GSG1L: variants seen among roughly 807,000 people sequenced by gnomAD.
The protein encoded by GSG1L is GSG1 like, also known as germ cell-specific gene 1-like protein.
In GSG1L, 24 loss-of-function variants were observed where a neutral mutation model predicts 42.1. That is an observed-to-expected ratio of 0.57 (90% CI 0.41 to 0.80). The LOEUF is 0.80. Ranked by LOEUF, GSG1L falls within the 30% of genes least tolerant of loss-of-function variation. The pLI is 0.00. For missense variants in GSG1L, 445 were observed against 472.2 expected (o/e 0.94, Z 0.53); for synonymous variants, 215 against 203.5 (o/e 1.06, Z -0.48).
chr16:27,865,590 CATACACACACATATAT>C (rs1460934769), intron 3 of GSG1L, among the ~76,000 whole-genome samples: 51 of 115,516 alleles, frequency 4.4e-4, no homozygotes, highest in Non-Finnish European at 7.5e-4. Context: ...CACATACATA[CATACACACACATATAT>C]ATACACACAC....
intron 1 of GSG1L, among the ~76,000 whole-genome samples, chr16:28,009,011 G>A (rs985541201): frequency 6.6e-6 from 1 of 152,280 alleles, no homozygotes; most frequent in African/African-American, 2.4e-5. Flanking sequence ...GTTTCGTCAT[G>A]TTGGCCAGTC....
intron 1 of GSG1L, among the ~76,000 whole-genome samples, chr16:28,034,989 T>G (rs1275960254): frequency 6.6e-6 from 1 of 152,134 alleles, no homozygotes; most frequent in Non-Finnish European, 1.5e-5. Flanking sequence ...ACCCACCCCA[T>G]GTACTCACTA....
At chr16:27,908,597 T>C (rs2084347197) in intron 2 of GSG1L, among the ~76,000 whole-genome samples, 1 of 152,174 alleles carries the variant, frequency 6.6e-6, no homozygotes, top group African/African-American at 2.4e-5. Flanking sequence ...AAGAACAAGG[T>C]GGCTTTTCTG....
At chr16:27,986,574 A>C (rs2085386635) in intron 1 of GSG1L, among the ~76,000 whole-genome samples, 1 of 151,740 alleles carries the variant, frequency 6.6e-6, no homozygotes, top group African/African-American at 2.4e-5. Context: ...ACTTGCGACA[A>C]AGGGATAAGA....
chr16:27,985,546 T>C, intron 1 of GSG1L, among the ~76,000 whole-genome samples: 1 of 152,058 alleles, frequency 6.6e-6, no homozygotes, highest in East Asian at 1.9e-4. Flanking sequence ...TTCTTCTCTA[T>C]AAATTACCCA....
In GSG1L at chr16:27,930,096, G is replaced by C. The variant is rs184333005; in HGVS notation, c.397+33060C>G. Among the ~76,000 whole-genome samples, 3 of 152,052 alleles carry C rather than the reference G, an allele frequency of 2.0e-5. No individual in the cohort carries two copies. The South Asian group carries it at 6.2e-4, about 32-fold the overall frequency. ...CTGGCACTTACATGCCTCTGGGGTT[G>C]AAGGGCCTCCTCAAATTTTGCATTC... On this transcript the variant is annotated intron_variant, in intron 2 of 6. Coordinates refer to ENST00000447459, the MANE Select transcript of GSG1L (RefSeq NM_001109763.2).
Position 27,890,510 on chromosome 16 carries a change from C to T in GSG1L, c.398-5872G>A, listed in dbSNP as rs565681148. The stretch of plus-strand genomic sequence containing the variant: ...ATGACGGTGGCCTGGACTGTGGCCA[C>T]AGTGGGAATGAGGACAAGTAGATAA... On this transcript the variant is annotated intron_variant, in intron 2 of 6. Transcript: ENST00000447459. Among the ~76,000 whole-genome samples, 3 of 152,282 alleles carry T rather than the reference C, an allele frequency of 2.0e-5. No individual in the cohort carries two copies. The South Asian group carries it at 6.2e-4, about 32-fold the overall frequency.
rs572610108 is a variant in GSG1L at position 27,953,240 on chromosome 16, C to A, written c.397+9916G>T. On this transcript the variant is annotated intron_variant, in intron 2 of 6. Transcript: ENST00000447459. ...AAGTAGCTGGGAGTACAGGTGCGTG[C>A]CACCACACTGGGCTAATTTATAAAT... 2.2e-3 allele frequency among the ~76,000 whole-genome samples: 339 copies of A among 152,270 alleles called. 2 individuals carry two copies. The highest frequency in any genetic ancestry group is 7.0e-3 in the African/African-American group (291 of 41,554).
At chr16:28,008,628 G>A (rs1421641546) in intron 1 of GSG1L, among the ~76,000 whole-genome samples, 1 of 152,120 alleles carries the variant, frequency 6.6e-6, no homozygotes, top group Non-Finnish European at 1.5e-5. Context: ...ACGTCAGATT[G>A]CATCACCTCC....
chr16:27,854,957 T>G (rs1489769976), intron 3 of GSG1L, among the ~76,000 whole-genome samples: 1 of 152,110 alleles, frequency 6.6e-6, no homozygotes, highest in African/African-American at 2.4e-5. Flanking sequence ...CTTCTACATT[T>G]CTACCCCAGA....
At chr16:27,841,229 G>A (rs1036983652) in intron 4 of GSG1L, among the ~76,000 whole-genome samples, 2 of 152,116 alleles carry the variant, frequency 1.3e-5, no homozygotes, top group African/African-American at 4.8e-5. Flanking sequence ...GTGAGGGGCA[G>A]GGGCAGGATC....
intron 1 of GSG1L, among the ~76,000 whole-genome samples, chr16:27,980,489 C>T (rs1394673740): frequency 2.6e-5 from 4 of 152,170 alleles, no homozygotes; most frequent in African/African-American, 9.7e-5. Flanking sequence ...GCTTTATGCG[C>T]CTACCAACGT....
At chr16:27,817,017 T>G (rs1178302630) in intron 5 of GSG1L, among the ~76,000 whole-genome samples, 2 of 152,164 alleles carry the variant, frequency 1.3e-5, no homozygotes, top group African/African-American at 4.8e-5. Context: ...TGGAGTCTGA[T>G]GGAGGCTGGG....
chr16:27,921,492 C>T (rs138272208), intron 2 of GSG1L, among the ~76,000 whole-genome samples: 138 of 152,328 alleles, frequency 9.1e-4, no homozygotes, highest in African/African-American at 3.2e-3. Context: ...TTAACTTTTA[C>T]AGCCTCATCT....
chr16:27,869,723 CTG>C (rs771480362), intron 3 of GSG1L, among the ~76,000 whole-genome samples: 42 of 146,152 alleles, frequency 2.9e-4, no homozygotes, highest in Non-Finnish European at 4.9e-4. Flanking sequence ...CCTTCTCTCT[CTG>C]TCTCTGTCTC....
chr16:27,866,450 T>C (rs1405344669), intron 3 of GSG1L, among the ~76,000 whole-genome samples: 1 of 152,172 alleles, frequency 6.6e-6, no homozygotes, highest in Non-Finnish European at 1.5e-5. Flanking sequence ...AAGGAGTAAG[T>C]AACTGAGGCT....
At chr16:27,855,493 A>G (rs1423025240) in intron 3 of GSG1L, among the ~76,000 whole-genome samples, 1 of 152,074 alleles carries the variant, frequency 6.6e-6, no homozygotes, top group Non-Finnish European at 1.5e-5. Context: ...GCAGAGGTGC[A>G]TGGATCACCT....
At chr16:27,881,074 A>G (rs898424610) in intron 3 of GSG1L, among the ~76,000 whole-genome samples, 1 of 152,122 alleles carries the variant, frequency 6.6e-6, no homozygotes, top group Admixed American at 6.6e-5. Flanking sequence ...CCCTTCTCAG[A>G]ATAATGTTTT....
chr16:27,908,064 C>T (rs1048925178), intron 2 of GSG1L, among the ~76,000 whole-genome samples: 1 of 152,224 alleles, frequency 6.6e-6, no homozygotes, highest in Non-Finnish European at 1.5e-5. Context: ...CCACTTCTGA[C>T]TTTGAGCTCA....
Sources: allele counts gnomAD v4.1 joint callset (sites outside exome capture counted in the v4.1 genomes callset), GRCh38; gene constraint gnomAD v4.1.1; transcripts MANE v1.5; gene names NCBI Gene and HGNC (gene_info 2026-07-23, HGNC 2026-07-21).